RYR1: variants seen among roughly 807,000 people sequenced by gnomAD.
RYR1 encodes the protein central core disease of muscle.
RYR1 carries 342 observed loss-of-function variants against 583.5 expected under a neutral mutation model. That is an observed-to-expected ratio of 0.59 (90% CI 0.54 to 0.64). The LOEUF (loss-of-function observed/expected upper bound fraction) is 0.64, where lower values mean the gene tolerates loss of function less well. Among genes scored for constraint, RYR1 ranks in the 30% least tolerant of loss-of-function variants. The probability of loss-of-function intolerance (pLI) is 0.00; values close to 1 mark genes in which losing one functional copy is unlikely to be tolerated. For synonymous variants in RYR1, 2,791 were observed against 2,822.5 expected, an observed-to-expected ratio of 0.99 and a Z score of 0.35; for missense variants, 6,032 against 6,917.2, an observed-to-expected ratio of 0.87 and a Z score of 4.54.
chr19:38,555,840 A>G (rs1201637039), intron 89 of RYR1, among the ~76,000 whole-genome samples: 1 of 152,120 alleles, frequency 6.6e-6, no homozygotes, highest in African/African-American at 2.4e-5. Flanking sequence ...CAGAAATACA[A>G]TATGAGCAAT....
chr19:38,511,153 G>A (rs1272355602), intron 60 of RYR1, among the ~76,000 whole-genome samples: 16 of 152,024 alleles, frequency 1.1e-4, no homozygotes, highest in South Asian at 2.1e-4. Context: ...AAAATTAGCC[G>A]GGCTTGGTGG....
chr19:38,586,412 G>A, intron 104 of RYR1, 113 bp from the exon 105 acceptor site: 2 of 1,203,844 alleles, frequency 1.7e-6, no homozygotes, highest in Non-Finnish European at 2.5e-6. Context: ...CTTGAGGCCA[G>A]GAGTTCGAGA....
intron 42 of RYR1, among the ~76,000 whole-genome samples, chr19:38,497,385 C>T (rs1460962966): frequency 1.3e-5 from 2 of 152,196 alleles, no homozygotes; most frequent in Non-Finnish European, 2.9e-5. Flanking sequence ...CTTCTGTGTA[C>T]AGTGGTGAAA....
intron 1 of RYR1, among the ~76,000 whole-genome samples, chr19:38,438,687 C>T (rs1328160074): frequency 7.5e-6 from 1 of 132,618 alleles, no homozygotes; most frequent in African/African-American, 2.9e-5. Flanking sequence ...GGTGCGATCT[C>T]GGCTCACTAC....
intron 64 of RYR1, among the ~76,000 whole-genome samples, chr19:38,515,519 C>T (rs564822002): frequency 1.3e-5 from 2 of 152,270 alleles, no homozygotes; most frequent in South Asian, 2.1e-4. Flanking sequence ...GTGACACCAG[C>T]GGTGCGCGGT....
At chr19:38,559,597 GAGGTGAGGGCAGA>G (rs1973035332) in intron 89 of RYR1, among the ~76,000 whole-genome samples, 1 of 151,990 alleles carries the variant, frequency 6.6e-6, no homozygotes, top group Admixed American at 6.6e-5. Context: ...GCAAGCAGAC[GAGGTGAGGGCAGA>G]AGGTGAGGGG....
At position 38,448,280 on chromosome 19, in the gene RYR1, AAAG is replaced by A; in HGVS notation, c.801-69_801-67del. On this transcript the variant is annotated intron_variant, in intron 9 of 105. Transcript: ENST00000359596. The stretch of plus-strand genomic sequence containing the variant: ...GACCTGGTTTCTGTAAAAAAAAGAA[AAAG>A]AAGAAAAGACTGTAATGTCCATGGG... 4 of 1,506,132 alleles carry A rather than the reference AAAG, an allele frequency of 2.7e-6. No individual in the cohort carries two copies. In the South Asian group the frequency reaches 3.6e-5, roughly 13 times the overall value. The allele number at this position is 1,506,132 out of a possible 1,614,324, so 93.3% of individuals were successfully genotyped here. A position where few individuals can be genotyped will look rare whatever the true frequency, so the allele number is the denominator to read the frequency against.
At position 38,458,297 on chromosome 19, in the gene RYR1, C is replaced by T. The variant is rs1346974578; in HGVS notation, c.2167+5C>T. On this transcript the variant is annotated splice_donor_5th_base_variant and intron_variant, in intron 18 of 105. Coordinates refer to ENST00000359596, the MANE Select transcript of RYR1 (RefSeq NM_000540.3). ...ATGGACTGCATCTCTGGACAGGTACCTGACCCCTTCCAGGGGACCCTCACC... is the reference window on the plus strand; with the variant it reads ...ATGGACTGCATCTCTGGACAGGTACTTGACCCCTTCCAGGGGACCCTCACC... The T allele has an allele frequency of 1.9e-6, 3 of 1,613,478 alleles. No homozygotes were observed. Among genetic ancestry groups the T allele is most frequent in the Non-Finnish European group, 2.5e-6 (3 of 1,179,800 alleles).
intron 31 of RYR1, 47 bp from the exon 32 acceptor site, chr19:38,482,980 C>T: frequency 1.3e-6 from 2 of 1,535,346 alleles, no homozygotes; most frequent in South Asian, 1.1e-5. Flanking sequence ...GTCAACCCTC[C>T]CTCCAGCCCA....
At position 38,468,468 on chromosome 19, in the gene RYR1, C is replaced by A. The variant is rs143378445; in HGVS notation, c.3382-498C>A. ...ATTTATTTATGCTTGCCCCTACTTA[C>A]ACTTTGTTCTTTCTCTGTATCAACC... On this transcript the variant is annotated intron_variant, in intron 25 of 105. Coordinates refer to ENST00000359596, the MANE Select transcript of RYR1 (RefSeq NM_000540.3). 3.0e-3 allele frequency among the ~76,000 whole-genome samples: 463 copies of A among 152,336 alleles called. 3 individuals carry two copies. The highest frequency in any genetic ancestry group is 0.01 in the African/African-American group (430 of 41,576).
rs193922824 is a variant in RYR1, at chr19:38,502,679, C to T, written c.7787C>T (p.Thr2596Ile). ...VYRLSRGRSLTKAQRDVIEDC... is the reference protein window; with the variant it reads ...VYRLSRGRSLIKAQRDVIEDC... ...CGCCTGTCTCGGGGTCGTTCGCTCA[C>T]CAAGGCGCAGCGTGACGTCATCGAG... The change falls in exon 48 of 106, where the codon ACC becomes ATC. Residue 2596 changes from threonine (T) to isoleucine (I), a missense_variant. By Grantham distance (89) the Thr-to-Ile change is moderately conservative. This residue lies in a region of RYR1 where 250 missense variants were observed against 162.3 expected (regional missense o/e 1.54). Coordinates refer to ENST00000359596, the MANE Select transcript of RYR1 (RefSeq NM_000540.3). 11 of 1,609,544 alleles carry T rather than the reference C, an allele frequency of 6.8e-6. No individual in the cohort carries two copies. In the Admixed American group the frequency reaches 1.0e-4, roughly 15 times the overall value.
Position 38,525,541 on chromosome 19 carries a change from C to T in RYR1, c.10626+39C>T, listed in dbSNP as rs776901587. On this transcript the variant is annotated intron_variant, in intron 71 of 105. Coordinates refer to ENST00000359596, the MANE Select transcript of RYR1 (RefSeq NM_000540.3). ...CCCGTCCTCGGAACCTTCCAGGATG[C>T]CGCCCAGCACCCACTGAACCCCTGG... 3 of 1,600,886 alleles carry T rather than the reference C, an allele frequency of 1.9e-6. No individual in the cohort carries two copies. In the Middle Eastern group the frequency reaches 5.4e-4, roughly 289 times the overall value.
intron 67 of RYR1, among the ~76,000 whole-genome samples, chr19:38,519,831 A>G (rs1285735393): frequency 1.3e-5 from 2 of 151,974 alleles, no homozygotes; most frequent in African/African-American, 4.8e-5. Context: ...GGTGCATGCC[A>G]CCACGCCCAG....
intron 93 of RYR1, 27 bp from the exon 94 acceptor site, chr19:38,570,580 T>C (rs1330531541): frequency 1.3e-6 from 2 of 1,579,472 alleles, no homozygotes; most frequent in East Asian, 2.2e-5. Flanking sequence ...CTGTGAGCGC[T>C]TTCTCTCTTT....
chr19:38,483,507 A>G lies in RYR1; in HGVS notation c.4925A>G (p.Glu1642Gly). Residue 1642 changes from glutamate to glycine, a missense_variant, in exon 33 of 106, where the codon GAG becomes GGG. Coordinates refer to ENST00000359596, the MANE Select transcript of RYR1 (RefSeq NM_000540.3). This position sits in a 1 kb window ranked among gnomAD's most constrained non-coding sequence, Gnocchi z 6.3. ...ACCATGATGGCGCTGCACATCCCCG[A>G]GGAGAACCGGTCAGGGCCAGCCCAG... ...PLTMMALHIP[E>G]ENRCMDILEL... 1 of 1,549,042 alleles carries G rather than the reference A, an allele frequency of 6.5e-7. No homozygotes were observed. The highest frequency in any genetic ancestry group is 8.7e-7 in the Non-Finnish European group (1 of 1,151,162).
chr19:38,575,989 T>TGGATTGGGTCCC (rs1326741286), intron 97 of RYR1, 28 bp downstream of exon 97: 1 of 1,613,754 alleles, frequency 6.2e-7, no homozygotes, highest in African/African-American at 1.3e-5. Context: ...CCCTGGGTCC[T>TGGATTGGGTCCC]GGATTGGGTC....
At position 38,500,468 on chromosome 19, in the gene RYR1, G is replaced by A. The variant is rs376847826; in HGVS notation, c.7324-138G>A. ...GGTGGGGGGGCACAGGCAGAGGAACGAGGGCTGGAAACTCTAGACAGCCTC... is the reference window on the plus strand; with the variant it reads ...GGTGGGGGGGCACAGGCAGAGGAACAAGGGCTGGAAACTCTAGACAGCCTC... On this transcript the variant is annotated intron_variant, in intron 45 of 105. Coordinates refer to ENST00000359596, the MANE Select transcript of RYR1 (RefSeq NM_000540.3). This position sits in a 1 kb window ranked among gnomAD's most constrained non-coding sequence, Gnocchi z 5.9. 22 of 1,274,442 alleles carry A rather than the reference G, an allele frequency of 1.7e-5. No homozygotes were observed. The highest frequency in any genetic ancestry group is 7.1e-5 in the East Asian group (3 of 42,238). 78.9% of individuals were successfully genotyped at this position (1,274,442 alleles called of 1,614,324 possible).
rs755974779 is a variant in RYR1 at position 38,519,318 on chromosome 19, G to A, written c.10123G>A (p.Glu3375Lys). 8.7e-6 allele frequency: 14 copies of A among 1,613,766 alleles called. No individual in the cohort carries two copies. The highest frequency in any genetic ancestry group is 2.2e-5 in the East Asian group (1 of 44,878). ...LRKRAGKVVS[E>K]EEQLRLEAKA... The stretch of plus-strand genomic sequence containing the variant: ...CAAGAGGGCAGGGAAGGTGGTGTCC[G>A]AGGAGGAGCAGCTGCGCCTGGAGGC... Residue 3375 changes from glutamate to lysine, a missense_variant, in exon 67 of 106, where the codon GAG (glutamate) becomes AAG (lysine). Physicochemically the swap from Glu to Lys is moderately conservative, Grantham distance 56. Coordinates refer to ENST00000359596, the MANE Select transcript of RYR1 (RefSeq NM_000540.3).
intron 34 of RYR1, among the ~76,000 whole-genome samples, chr19:38,488,019 G>A (rs1040507627): frequency 6.6e-6 from 1 of 151,972 alleles, no homozygotes; most frequent in Non-Finnish European, 1.5e-5. Context: ...TGGTATGATT[G>A]TAGCCCACTG....
Sources: gnomAD v4.1 joint callset for allele counts (sites outside exome capture counted in the v4.1 genomes callset) on GRCh38, gnomAD v4.1.1 for gene constraint, gnomAD v4.1.1 regional missense constraint, Gnocchi (gnomAD v3.1) non-coding constraint, MANE v1.5 for transcripts, NCBI Gene and HGNC (gene_info 2026-07-23, HGNC 2026-07-21) for gene names.